The following PIWIL2 variants were observed in gnomAD, a reference collection of about 807,000 sequenced individuals.
PIWIL2 encodes the protein piwi-like protein 2.
A neutral mutation model predicts 116.5 loss-of-function variants in PIWIL2; 81 were observed. The ratio of observed to expected loss-of-function variants is 0.70; its 90% CI spans 0.58 to 0.84. The LOEUF (loss-of-function observed/expected upper bound fraction) is 0.84. PIWIL2 is among the 40% of genes least tolerant of loss of function. The probability of loss-of-function intolerance (pLI) is 0.00; values close to 1 mark genes in which losing one functional copy is unlikely to be tolerated. For missense variants in PIWIL2, 1,272 were observed against 1,212.3 expected (o/e 1.05, Z -0.73); for synonymous variants, 489 against 429.5 (o/e 1.14, Z -1.71).
rs1831425579 is a variant in PIWIL2 at position 22,315,110 on chromosome 8, T to C, written c.2173T>C (p.Leu725=). 3.1e-6 allele frequency: 5 copies of C among 1,611,188 alleles called. No individual in the cohort carries two copies. Among genetic ancestry groups the C allele is most frequent in the Non-Finnish European group, 4.2e-6 (5 of 1,177,410 alleles). ...GATTTTACTTCAGATTAACTGTAAA[T>C]TGGGTGGTGAGCTCTGGGGAGTGGA... ...QKILLQINCK[L]GGELWGVDIP... is the part of the protein sequence containing the mutation. Residue 725 remains leucine, a synonymous_variant, in exon 18 of 23, where the codon TTG becomes CTG. Coordinates refer to ENST00000356766, the MANE Select transcript of PIWIL2 (RefSeq NM_018068.5).
chr8:22,297,931 A>T (rs188284943), intron 10 of PIWIL2, among the ~76,000 whole-genome samples: 174 of 152,304 alleles, frequency 1.1e-3, no homozygotes, highest in African/African-American at 3.9e-3. Flanking sequence ...CCTTATATGT[A>T]TAGACAGCAG....
In PIWIL2 at chr8:22,356,344, A is replaced by G. The variant is rs1832490433; in HGVS notation, c.*839A>G. On this transcript the variant is annotated 3_prime_UTR_variant, in exon 23 of 23. Coordinates refer to ENST00000356766, the MANE Select transcript of PIWIL2 (RefSeq NM_018068.5). ...GGCATAGGTCGGCCCTTGCTGACTA[A>G]ATCCTCTCTGGGGATTGAATTGATG... The G allele has an allele frequency of 6.6e-6, 1 of 152,198 alleles. No homozygotes were observed. Among genetic ancestry groups the G allele is most frequent in the Admixed American group, 6.5e-5 (1 of 15,274 alleles). 9.4% of individuals were successfully genotyped at this position (152,198 alleles called of 1,614,324 possible).
At chr8:22,293,318 A>G (rs1017661662) in intron 10 of PIWIL2, among the ~76,000 whole-genome samples, 1 of 151,998 alleles carries the variant, frequency 6.6e-6, no homozygotes, top group African/African-American at 2.4e-5. Context: ...TCAAAAAAAC[A>G]GAACTAGTTT....
rs1421601696 is a variant in PIWIL2, at chr8:22,321,658, G to A, written c.2403+3383G>A. ...TTAAGCCTAGGAGTCCAGTGCTCCA[G>A]TGAACTATGATCATGTCAGCCCGGT... On this transcript the variant is annotated intron_variant, in intron 20 of 22. Coordinates refer to ENST00000356766, the MANE Select transcript of PIWIL2 (RefSeq NM_018068.5). Among the ~76,000 whole-genome samples the A allele has an allele frequency of 2.6e-5, 4 of 152,276 alleles. No homozygotes were observed. In the East Asian group the frequency reaches 5.8e-4, roughly 22 times the overall value.
chr8:22,351,638 A>G (rs1374515134), intron 20 of PIWIL2, among the ~76,000 whole-genome samples: 1 of 150,144 alleles, frequency 6.7e-6, no homozygotes, highest in Non-Finnish European at 1.5e-5. Context: ...CCCAGGTTCA[A>G]GCAATTCTCC....
intron 10 of PIWIL2, among the ~76,000 whole-genome samples, chr8:22,301,738 A>G (rs199878184): frequency 7.2e-6 from 1 of 137,994 alleles, no homozygotes; most frequent in Non-Finnish European, 1.6e-5. Context: ...TTTTTTTTTT[A>G]GGTTTATAGT....
chr8:22,308,718 T>A (rs1432074889), intron 14 of PIWIL2, among the ~76,000 whole-genome samples: 2 of 152,222 alleles, frequency 1.3e-5, no homozygotes, highest in African/African-American at 2.4e-5. Context: ...AATCTTTGTG[T>A]GTGTTATTTA....
chr8:22,332,212 C>T (rs1009595827), intron 20 of PIWIL2, among the ~76,000 whole-genome samples: 1 of 151,960 alleles, frequency 6.6e-6, no homozygotes, highest in Non-Finnish European at 1.5e-5. Context: ...GGCTGAGTCA[C>T]GAGAACAGCT....
At chr8:22,324,489 A>G (rs373023587) in intron 20 of PIWIL2, among the ~76,000 whole-genome samples, 3 of 152,318 alleles carry the variant, frequency 2.0e-5, no homozygotes, top group South Asian at 2.1e-4. Flanking sequence ...ACACAGGTAC[A>G]GAACTAGTGG....
At chr8:22,290,661 C>CTG (rs1830740038) in intron 10 of PIWIL2, among the ~76,000 whole-genome samples, 1 of 137,436 alleles carries the variant, frequency 7.3e-6, no homozygotes, top group Non-Finnish European at 1.5e-5. Flanking sequence ...GCTATGTTTC[C>CTG]CAGCCTGCTA....
chr8:22,335,162 T>C (rs941774384), intron 20 of PIWIL2, among the ~76,000 whole-genome samples: 9 of 151,966 alleles, frequency 5.9e-5, no homozygotes, highest in African/African-American at 2.2e-4. Context: ...GGAAAATAGC[T>C]ATTTAATACA....
intron 20 of PIWIL2, among the ~76,000 whole-genome samples, chr8:22,327,278 C>A (rs1831746687): frequency 6.6e-6 from 1 of 151,576 alleles, no homozygotes. Context: ...CTCAGGTGAT[C>A]CGCCCAGCTC....
At chr8:22,351,130 A>G (rs1170960317) in intron 20 of PIWIL2, among the ~76,000 whole-genome samples, 1 of 151,906 alleles carries the variant, frequency 6.6e-6, no homozygotes, top group Non-Finnish European at 1.5e-5. Flanking sequence ...CAGCCTGGGC[A>G]ACAGAGCGAG....
At chr8:22,355,255 T>C (rs1832463245) in intron 22 of PIWIL2, 94 bp from the exon 23 acceptor site, 3 of 1,225,914 alleles carry the variant, frequency 2.4e-6, no homozygotes, top group Non-Finnish European at 3.6e-6. Flanking sequence ...GAAGGTGTGC[T>C]CTGTGTCATA....
chr8:22,351,126 G>A (rs1188658593), intron 20 of PIWIL2, among the ~76,000 whole-genome samples: 1 of 151,822 alleles, frequency 6.6e-6, no homozygotes, highest in African/African-American at 2.4e-5. Flanking sequence ...ACTTCAGCCT[G>A]GGCAACAGAG....
At chr8:22,304,640 T>C (rs1831131864) in intron 11 of PIWIL2, 144 bp from the exon 12 acceptor site, 2 of 534,058 alleles carry the variant, frequency 3.7e-6, no homozygotes, top group Admixed American at 6.6e-5. Context: ...GTTATAAATA[T>C]ATTATGATCG....
chr8:22,296,091 T>G (rs2132014582), intron 10 of PIWIL2, among the ~76,000 whole-genome samples: 1 of 147,654 alleles, frequency 6.8e-6, no homozygotes, highest in East Asian at 2.0e-4. Flanking sequence ...AGTCTTGCTC[T>G]GTTGCCCAGG....
At chr8:22,312,672 A>T (rs1272880895) in intron 16 of PIWIL2, among the ~76,000 whole-genome samples, 5 of 151,692 alleles carry the variant, frequency 3.3e-5, no homozygotes. Context: ...CAAAGTCTTG[A>T]CTCTGTTGCT....
Position 22,305,944 on chromosome 8 carries a change from CCTG to C in PIWIL2, c.1481_1483del (p.Leu494del). 1.9e-6 allele frequency: 3 copies of C among 1,613,866 alleles called. No homozygotes were observed. Among genetic ancestry groups the C allele is most frequent in the Non-Finnish European group, 2.5e-6 (3 of 1,179,744 alleles). On this transcript the variant is annotated inframe_deletion, in exon 13 of 23. Transcript: ENST00000356766. ...CTTCAAAGCTGCTAAAAGGGGAAAT[CCTG>C]CTGCTGCCTGAGCTTTCTTTTATGA...
Sources: gnomAD v4.1 joint callset for allele counts (sites outside exome capture counted in the v4.1 genomes callset) on GRCh38, gnomAD v4.1.1 for gene constraint, MANE v1.5 for transcripts, NCBI Gene and HGNC (gene_info 2026-07-23, HGNC 2026-07-21) for gene names.